SPTLC3: variants seen among roughly 807,000 people sequenced by gnomAD.
SPTLC3 encodes serine palmitoyltransferase 3.
A neutral mutation model predicts 59.3 loss-of-function variants in SPTLC3; 36 were observed. The ratio of observed to expected loss-of-function variants is 0.61; its 90% CI spans 0.47 to 0.80. SPTLC3 has a LOEUF of 0.80. Among genes scored for constraint, SPTLC3 ranks in the 30% least tolerant of loss-of-function variants. The pLI is 0.00. For synonymous variants in SPTLC3, 257 were observed against 240.8 expected, an observed-to-expected ratio of 1.07 and a Z score of -0.62; for missense variants, 625 against 685.1, an observed-to-expected ratio of 0.91 and a Z score of 0.98.
At chr20:13,163,535 G>A (rs2038938536) in intron 11 of SPTLC3, among the ~76,000 whole-genome samples, 1 of 152,054 alleles carries the variant, frequency 6.6e-6, no homozygotes, top group Non-Finnish European at 1.5e-5. Context: ...CCAGAGAGGT[G>A]TCATTTTAAA....
In SPTLC3 at chr20:13,067,044, CATATATATATATATATAT is replaced by C. The variant is rs143918659; in HGVS notation, c.304-5171_304-5154del. Reference sequence around the variant, plus strand: ...TGTTTATATAAAAATGTCACTTCTACATATATATATATATATATATATATATATATATATATATATATA... The same window carrying C: ...TGTTTATATAAAAATGTCACTTCTACATATATATATATATATATATATATA... On this transcript the variant is annotated intron_variant, in intron 2 of 11. Transcript: ENST00000399002. Among the ~76,000 whole-genome samples the C allele has an allele frequency of 2.7e-4, 19 of 71,124 alleles. 2 individuals are homozygous for C. The highest frequency in any genetic ancestry group is 6.2e-4 in the South Asian group (1 of 1,610). 46.7% of individuals were successfully genotyped at this position (71,124 alleles called of 152,430 possible). A position where few individuals can be genotyped will look rare whatever the true frequency, so the allele number is the denominator to read the frequency against.
chr20:13,012,205 C>T (rs970138182), intron 1 of SPTLC3, among the ~76,000 whole-genome samples: 4 of 151,966 alleles, frequency 2.6e-5, no homozygotes, highest in African/African-American at 7.3e-5. Flanking sequence ...TTCTCTTAAA[C>T]GAAACCTGCA....
In SPTLC3 at chr20:13,039,783, T is replaced by C. The variant is rs562993196; in HGVS notation, c.118-9162T>C. Among the ~76,000 whole-genome samples, 71 of 152,222 alleles carry C rather than the reference T, an allele frequency of 4.7e-4. 2 individuals are homozygous for C. In the South Asian group the frequency reaches 0.014, roughly 31 times the overall value. On this transcript the variant is annotated intron_variant, in intron 1 of 11. Transcript: ENST00000399002. ...ATAATTTTTCACTTTTTTTGAGTTTTCTTAGTTGCTCTACGGCTTGCCATA... is the reference window on the plus strand; with the variant it reads ...ATAATTTTTCACTTTTTTTGAGTTTCCTTAGTTGCTCTACGGCTTGCCATA...
intron 11 of SPTLC3, among the ~76,000 whole-genome samples, chr20:13,162,932 T>C (rs2038921820): frequency 6.6e-6 from 1 of 152,084 alleles, no homozygotes; most frequent in Admixed American, 6.6e-5. Context: ...TAAAGAAACC[T>C]AACTCTGAGC....
intron 9 of SPTLC3, among the ~76,000 whole-genome samples, chr20:13,153,137 T>G (rs185749933): frequency 6.6e-6 from 1 of 152,350 alleles, no homozygotes; most frequent in East Asian, 1.9e-4. Flanking sequence ...CTATTCATTC[T>G]TATTGAGCAA....
At chr20:13,134,139 C>T (rs535629489) in intron 9 of SPTLC3, among the ~76,000 whole-genome samples, 1 of 152,292 alleles carries the variant, frequency 6.6e-6, no homozygotes, top group Non-Finnish European at 1.5e-5. Flanking sequence ...TATAACAATC[C>T]ACACAGTTCC....
At chr20:13,020,267 T>C (rs1985801758) in intron 1 of SPTLC3, among the ~76,000 whole-genome samples, 1 of 151,840 alleles carries the variant, frequency 6.6e-6, no homozygotes, top group South Asian at 2.1e-4. Context: ...GTTCTAAAGC[T>C]TTTGGAGGAC....
intron 4 of SPTLC3, among the ~76,000 whole-genome samples, chr20:13,084,641 C>T (rs1042233322): frequency 3.3e-5 from 5 of 152,138 alleles, no homozygotes; most frequent in African/African-American, 1.2e-4. Flanking sequence ...TAGGTTGGCA[C>T]ATTGTTAAGC....
At chr20:13,042,424 C>A (rs1378200782) in intron 1 of SPTLC3, among the ~76,000 whole-genome samples, 1 of 152,176 alleles carries the variant, frequency 6.6e-6, no homozygotes, top group Non-Finnish European at 1.5e-5. Flanking sequence ...TGGCTTTCCT[C>A]TTCCACCATG....
chr20:13,009,276 C>T lies in SPTLC3; in HGVS notation c.9C>T (p.Asn3=). 2 of 1,614,032 alleles carry T rather than the reference C, an allele frequency of 1.2e-6. No homozygotes were observed. Among genetic ancestry groups the T allele is most frequent in the Non-Finnish European group, 1.7e-6 (2 of 1,179,924 alleles). ...TCTGTCACTTCACACCCATGGCTAA[C>T]CCTGGAGGTGGTGCTGTTTGCAACG... MA[N]PGGGAVCNGK... is the part of the protein sequence containing the mutation. Residue 3 remains asparagine (N), a synonymous_variant, in exon 1 of 12, where the codon AAC becomes AAT. Coordinates refer to ENST00000399002, the MANE Select transcript of SPTLC3 (RefSeq NM_018327.4).
chr20:13,051,068 C>T (rs764161439), intron 2 of SPTLC3: 7 of 152,260 alleles, frequency 4.6e-5, no homozygotes, highest in Admixed American at 1.3e-4. Context: ...ATGAGCATGA[C>T]GAATGTAATG....
intron 1 of SPTLC3, among the ~76,000 whole-genome samples, chr20:13,013,813 G>T (rs912637067): frequency 1.3e-5 from 2 of 152,158 alleles, no homozygotes; most frequent in Non-Finnish European, 2.9e-5. Context: ...AAACCCAATG[G>T]CTTGAAACAA....
intron 9 of SPTLC3, among the ~76,000 whole-genome samples, chr20:13,131,838 C>T (rs1365257910): frequency 1.3e-5 from 2 of 152,184 alleles, no homozygotes; most frequent in Non-Finnish European, 2.9e-5. Context: ...CCACTGAGAA[C>T]TTTCTGTCGT....
chr20:13,121,553 G>C (rs1401680834), intron 8 of SPTLC3, among the ~76,000 whole-genome samples: 1 of 152,118 alleles, frequency 6.6e-6, no homozygotes, highest in East Asian at 1.9e-4. Context: ...CTTCCAAATG[G>C]ACGTGGAAAC....
rs1315677296 is a variant in SPTLC3, at chr20:13,154,082, T to C, written c.1359T>C (p.Tyr453=). 1 of 1,614,050 alleles carries C rather than the reference T, an allele frequency of 6.2e-7. No homozygotes were observed. Among genetic ancestry groups the C allele is most frequent in the Non-Finnish European group, 8.5e-7 (1 of 1,180,006 alleles). Residue 453 remains tyrosine (Y), a synonymous_variant, in exon 10 of 12, where the codon TAT becomes TAC. Coordinates refer to ENST00000399002, the MANE Select transcript of SPTLC3 (RefSeq NM_018327.4). ...QRLQEMGFII[Y]GNENASVVPL... is the part of the protein sequence containing the mutation. ...TGCAGGAAATGGGATTCATTATCTA[T>C]GGCAATGAGAATGCTTCTGTTGTTC...
At chr20:13,015,781 T>C (rs1359375505) in intron 1 of SPTLC3, among the ~76,000 whole-genome samples, 1 of 152,076 alleles carries the variant, frequency 6.6e-6, no homozygotes, top group African/African-American at 2.4e-5. Context: ...TATTAGTACA[T>C]GAACAGATAG....
chr20:13,164,655 GA>G, intron 11 of SPTLC3, 98 bp from the exon 12 acceptor site: 1 of 847,216 alleles, frequency 1.2e-6, no homozygotes, highest in Admixed American at 2.4e-5. Flanking sequence ...AGCAAACTAA[GA>G]CTGTGTGTCT....
rs183610092 is a variant in SPTLC3, at chr20:13,009,118, G to C, written c.-150G>C. On this transcript the variant is annotated 5_prime_UTR_variant, in exon 1 of 12. Coordinates refer to ENST00000399002, the MANE Select transcript of SPTLC3 (RefSeq NM_018327.4). ...CAACGATCTGACAAAAAGATAGGCT[G>C]TTGCTCTTCTTCTGGAAAAGCCTGA... 98 of 660,610 alleles carry C rather than the reference G, an allele frequency of 1.5e-4. 1 individual carries two copies. The Admixed American group carries it at 1.5e-3, about 10-fold the overall frequency. The allele number at this position is 660,610 out of a possible 1,614,324, so 40.9% of individuals were successfully genotyped here. A position where few individuals can be genotyped will look rare whatever the true frequency, so the allele number is the denominator to read the frequency against.
intron 2 of SPTLC3, among the ~76,000 whole-genome samples, chr20:13,064,403 C>T (rs888284217): frequency 6.6e-6 from 1 of 151,910 alleles, no homozygotes; most frequent in Non-Finnish European, 1.5e-5. Context: ...GAACGATTCT[C>T]CTGCCTCAAC....
Sources: allele counts gnomAD v4.1 joint callset (sites outside exome capture counted in the v4.1 genomes callset), GRCh38; gene constraint gnomAD v4.1.1; transcripts MANE v1.5; gene names NCBI Gene and HGNC (gene_info 2026-07-23, HGNC 2026-07-21).